IQGAP3: variants seen among roughly 807,000 people sequenced by gnomAD.
IQGAP3 encodes IQ motif containing GTPase activating protein 3.
A neutral mutation model predicts 208.2 loss-of-function variants in IQGAP3; 165 were observed. The ratio of observed to expected loss-of-function variants is 0.79; its 90% CI spans 0.70 to 0.90. The LOEUF (loss-of-function observed/expected upper bound fraction) is 0.90, where lower values mean the gene tolerates loss of function less well. IQGAP3 is among the 40% of genes least tolerant of loss of function. The probability of loss-of-function intolerance (pLI) is 0.00; values close to 1 mark genes in which losing one functional copy is unlikely to be tolerated. For synonymous variants in IQGAP3, 703 were observed against 803.6 expected (o/e 0.87, Z 2.12); for missense variants, 1,811 against 2,043.1 (o/e 0.89, Z 2.19).
At chr1:156,559,573 G>A (rs1445087674) in intron 11 of IQGAP3, among the ~76,000 whole-genome samples, 1 of 152,244 alleles carries the variant, frequency 6.6e-6, no homozygotes, top group African/African-American at 2.4e-5. Flanking sequence ...GGGGAGGAGG[G>A]ATTCTGCCTG....
intron 27 of IQGAP3, 105 bp downstream of exon 27, chr1:156,537,076 T>A: frequency 7.9e-7 from 1 of 1,271,222 alleles, no homozygotes; most frequent in South Asian, 1.5e-5. Context: ...TCCATCTCCC[T>A]CCCTGCCTTC....
chr1:156,569,758 A>T (rs1180951422), intron 1 of IQGAP3, among the ~76,000 whole-genome samples: 2 of 151,952 alleles, frequency 1.3e-5, no homozygotes, highest in Admixed American at 1.3e-4. Flanking sequence ...TGACCTCGTG[A>T]TCCGCCCGCC....
intron 3 of IQGAP3, 82 bp downstream of exon 3, chr1:156,566,308 A>G (rs1188992168): frequency 2.1e-5 from 30 of 1,419,396 alleles, no homozygotes; most frequent in Non-Finnish European, 2.8e-5. Context: ...AATAAGTTAT[A>G]TGGTCACTCT....
intron 8 of IQGAP3, among the ~76,000 whole-genome samples, 178 bp downstream of exon 8, chr1:156,562,956 G>A (rs1033635844): frequency 3.9e-5 from 6 of 152,066 alleles, no homozygotes; most frequent in Non-Finnish European, 5.9e-5. Flanking sequence ...TCTTCTCTTC[G>A]GAATTCTCAT....
intron 37 of IQGAP3, 108 bp from the exon 38 acceptor site, chr1:156,526,707 A>T (rs1399356832): frequency 1.1e-5 from 8 of 719,044 alleles, no homozygotes; most frequent in Non-Finnish European, 2.0e-5. Context: ...CACCAGTGGC[A>T]CTGGCCACTG....
chr1:156,545,386 C>T (rs184156051), intron 19 of IQGAP3, among the ~76,000 whole-genome samples: 9 of 152,290 alleles, frequency 5.9e-5, no homozygotes, highest in Non-Finnish European at 1.2e-4. Context: ...CACTGGTCCC[C>T]ACCTTCTTAA....
At chr1:156,553,703 C>T (rs1419877610) in intron 13 of IQGAP3, among the ~76,000 whole-genome samples, 1 of 151,640 alleles carries the variant, frequency 6.6e-6, no homozygotes, top group African/African-American at 2.4e-5. Flanking sequence ...TGCCTTAGCT[C>T]CCAGAGTAGC....
intron 13 of IQGAP3, 101 bp downstream of exon 13, chr1:156,554,134 A>T: frequency 9.2e-6 from 13 of 1,417,104 alleles, no homozygotes; most frequent in Non-Finnish European, 1.2e-5. Context: ...GGGCCCAAGA[A>T]TGGGACATCG....
chr1:156,560,956 T>G lies in IQGAP3; in HGVS notation c.1107A>C (p.Thr369=). The G allele has an allele frequency of 1.2e-6, 2 of 1,613,776 alleles. No individual in the cohort carries two copies. Among genetic ancestry groups the G allele is most frequent in the Non-Finnish European group, 1.7e-6 (2 of 1,179,784 alleles). ...TACTGGCTTGTTCCTGATCACCCTT[T>G]GTGTTGGCTGCAGCCACACCAGCCT... ...EVQAGVAAAN[T]KGDQEQAMLH... Residue 369 remains threonine (T), a synonymous_variant, in exon 11 of 38, where the codon ACA becomes ACC. Coordinates refer to ENST00000361170, the MANE Select transcript of IQGAP3 (RefSeq NM_178229.5).
rs1380855249 is a variant in IQGAP3, at chr1:156,556,603, A to G, written c.1220T>C (p.Leu407Pro). Residue 407 changes from leucine to proline, a missense_variant, in exon 12 of 38, where the codon CTG (leucine) becomes CCG (proline). Coordinates refer to ENST00000361170, the MANE Select transcript of IQGAP3 (RefSeq NM_178229.5). ...VKELMCPEAQ[L>P]PPVYPVASSM... ...CGATGCAACAGGGTACACTGGAGGC[A>G]GCTGGGCCTCAGGGCACATCAGCTC... 2 of 1,613,310 alleles carry G rather than the reference A, an allele frequency of 1.2e-6. No individual in the cohort carries two copies. The highest frequency in any genetic ancestry group is 1.1e-5 in the South Asian group (1 of 91,040).
chr1:156,570,221 G>C (rs906005897), intron 1 of IQGAP3, among the ~76,000 whole-genome samples: 1 of 152,102 alleles, frequency 6.6e-6, no homozygotes, highest in Non-Finnish European at 1.5e-5. Context: ...CCAGGCACTG[G>C]ACTAGCAGAC....
chr1:156,566,567 T>C, intron 2 of IQGAP3, 21 bp from the exon 3 acceptor site: 1 of 1,611,928 alleles, frequency 6.2e-7, no homozygotes, highest in Non-Finnish European at 8.5e-7. Context: ...GAGAACACCT[T>C]CTCACGCACT....
chr1:156,553,828 G>A (rs976861995), intron 13 of IQGAP3, among the ~76,000 whole-genome samples: 17 of 152,118 alleles, frequency 1.1e-4, no homozygotes, highest in African/African-American at 2.4e-5. Context: ...TGATCCTCCC[G>A]CCTTGGCCTC....
Position 156,554,285 on chromosome 1 carries a change from C to T in IQGAP3, c.1398G>A (p.Leu466=). The change falls in exon 13 of 38, where the codon CTG becomes CTA. Residue 466 remains leucine (L), a synonymous_variant. Coordinates refer to ENST00000361170, the MANE Select transcript of IQGAP3 (RefSeq NM_178229.5). Reference sequence around the variant, plus strand: ...CAGCCAGGCCTGTGGCAGGGTTCACCAGGCTGCTCCAGAAGCCACTGGCAT... The same window carrying T: ...CAGCCAGGCCTGTGGCAGGGTTCACTAGGCTGCTCCAGAAGCCACTGGCAT... ...ARDASGFWSS[L]VNPATGLAEV... The T allele has an allele frequency of 6.2e-7, 1 of 1,614,024 alleles. No homozygotes were observed. The highest frequency in any genetic ancestry group is 8.5e-7 in the Non-Finnish European group (1 of 1,179,972).
rs1161061012 is a variant in IQGAP3, at chr1:156,525,502, TG to T, written c.*983del. ...AGAGAGACTGTGGCAGAGGCAGGAC[TG>T]CAGATCTATGGAAATTGCCTGGAAG... On this transcript the variant is annotated 3_prime_UTR_variant, in exon 38 of 38. Coordinates refer to ENST00000361170, the MANE Select transcript of IQGAP3 (RefSeq NM_178229.5). 1 of 152,596 alleles carries T rather than the reference TG, an allele frequency of 6.6e-6. No homozygotes were observed. Among genetic ancestry groups the T allele is most frequent in the African/African-American group, 2.4e-5 (1 of 41,438 alleles). 9.5% of individuals were successfully genotyped at this position (152,596 alleles called of 1,614,324 possible).
chr1:156,548,982 C>T (rs1027265617), intron 16 of IQGAP3, among the ~76,000 whole-genome samples: 1 of 152,164 alleles, frequency 6.6e-6, no homozygotes. Context: ...AGGGAGGCAG[C>T]GTGGGGCTAG....
rs1164666141 is a variant in IQGAP3 at position 156,551,954 on chromosome 1, C to A, written c.1570+20G>T. Reference sequence around the variant, plus strand: ...CTGCCTAAGTTGGGCCATCTCCACCCAGCTCCAGACTATACTTACGGTCAG... The same window carrying A: ...CTGCCTAAGTTGGGCCATCTCCACCAAGCTCCAGACTATACTTACGGTCAG... On this transcript the variant is annotated intron_variant, in intron 14 of 37. Coordinates refer to ENST00000361170, the MANE Select transcript of IQGAP3 (RefSeq NM_178229.5). 2 of 1,609,650 alleles carry A rather than the reference C, an allele frequency of 1.2e-6. No homozygotes were observed. Among genetic ancestry groups the A allele is most frequent in the Admixed American group, 1.7e-5 (1 of 59,670 alleles).
intron 9 of IQGAP3, 69 bp downstream of exon 9, chr1:156,562,518 C>A (rs1163866446): frequency 7.8e-7 from 1 of 1,277,346 alleles, no homozygotes. Flanking sequence ...AAAAGCTATC[C>A]CCAAACCTCC....
rs1676120119 is a variant in IQGAP3, at chr1:156,560,942, T to G, written c.1121A>C (p.Glu374Ala). The change falls in exon 11 of 38, where the codon GAA becomes GCA. Residue 374 changes from glutamate to alanine, a missense_variant. Glu to Ala is a moderately radical substitution (Grantham distance 107). Transcript: ENST00000361170. ...ACCTGCAGATGACTTACTGGCTTGT[T>G]CCTGATCACCCTTTGTGTTGGCTGC... ...VAAANTKGDQ[E>A]QAMLHAVQRI... 6.2e-7 allele frequency: 1 copy of G among 1,613,028 alleles called. No homozygotes were observed. The highest frequency in any genetic ancestry group is 8.5e-7 in the Non-Finnish European group (1 of 1,179,238).
Sources: gnomAD v4.1 joint callset for allele counts (sites outside exome capture counted in the v4.1 genomes callset) on GRCh38, gnomAD v4.1.1 for gene constraint, MANE v1.5 for transcripts, NCBI Gene and HGNC (gene_info 2026-07-23, HGNC 2026-07-21) for gene names.